SLC36A1: variants seen among roughly 807,000 people sequenced by gnomAD.
SLC36A1 encodes solute carrier family 36 member 1.
SLC36A1 carries 30 observed loss-of-function variants against 47.5 expected under a neutral mutation model. That is an observed-to-expected ratio of 0.63 (90% CI 0.47 to 0.86). The LOEUF is 0.86. Ranked by LOEUF, SLC36A1 falls within the 40% of genes least tolerant of loss-of-function variation. SLC36A1 has a pLI of 0.00. For missense variants in SLC36A1, 517 were observed against 606.0 expected, an observed-to-expected ratio of 0.85 and a Z score of 1.54; for synonymous variants, 255 against 249.7, an observed-to-expected ratio of 1.02 and a Z score of -0.20.
chr5:151,505,896 G>T, the SLC36A1 span: 2 of 1,598,284 alleles, frequency 1.3e-6, no homozygotes, highest in Middle Eastern at 1.7e-4. Context: ...GTAACGGGGT[G>T]GGAGAGGTGC....
chr5:151,395,666 A>T, the SLC36A1 span, among the ~76,000 whole-genome samples: 2 of 152,172 alleles, frequency 1.3e-5, no homozygotes, highest in Non-Finnish European at 2.9e-5. Flanking sequence ...ATTGTGGCCA[A>T]ATCATGTCAG....
At chr5:151,362,031 A>ATC in the SLC36A1 span, among the ~76,000 whole-genome samples, 1 of 152,194 alleles carries the variant, frequency 6.6e-6, no homozygotes, top group Admixed American at 6.5e-5. Context: ...GAGTTTGATT[A>ATC]TCATAAGCCT....
chr5:151,513,249 C>T, the SLC36A1 span, among the ~76,000 whole-genome samples: 244 of 152,116 alleles, frequency 1.6e-3, no homozygotes, highest in South Asian at 7.5e-3. Flanking sequence ...CTTTTTCTTT[C>T]GGAAAGTAAT....
the SLC36A1 span, among the ~76,000 whole-genome samples, chr5:151,393,584 T>G: frequency 2.6e-5 from 4 of 152,222 alleles, no homozygotes; most frequent in Admixed American, 1.3e-4. Context: ...AGGAGCTCTT[T>G]TAGGGCAGGC....
At chr5:151,503,504 T>G in the SLC36A1 span, among the ~76,000 whole-genome samples, 1 of 149,490 alleles carries the variant, frequency 6.7e-6, no homozygotes, top group South Asian at 2.1e-4. Flanking sequence ...CTGCGTGGTG[T>G]CTCCCACGGG....
chr5:151,372,555 C>T, the SLC36A1 span, among the ~76,000 whole-genome samples: 3 of 151,990 alleles, frequency 2.0e-5, no homozygotes, highest in Non-Finnish European at 4.4e-5. Context: ...CTGATCCTCC[C>T]GCCTTAGCCT....
the SLC36A1 span, among the ~76,000 whole-genome samples, chr5:151,355,209 G>A: frequency 6.6e-6 from 1 of 152,126 alleles, no homozygotes; most frequent in Non-Finnish European, 1.5e-5. Context: ...TCAATTTGTG[G>A]AGGGAACACA....
upstream of SLC36A1, among the ~76,000 whole-genome samples, chr5:151,433,251 T>TAC (rs1759522351): frequency 5.4e-5 from 1 of 18,382 alleles, no homozygotes; most frequent in African/African-American, 2.1e-4. Context: ...TATATATATA[T>TAC]ATATATATAT....
At chr5:151,511,755 C>A in the SLC36A1 span, 1 of 179,950 alleles carries the variant, frequency 5.6e-6, no homozygotes, top group East Asian at 1.4e-4. Context: ...ATATGAAAAA[C>A]AACATGTATT....
chr5:151,408,246 T>C, the SLC36A1 span, among the ~76,000 whole-genome samples: 1 of 152,346 alleles, frequency 6.6e-6, no homozygotes, highest in East Asian at 1.9e-4. Context: ...TGGAGTGCAG[T>C]GGTGCGATCT....
chr5:151,425,806 T>C, the SLC36A1 span, among the ~76,000 whole-genome samples: 1 of 152,228 alleles, frequency 6.6e-6, no homozygotes, highest in Admixed American at 6.5e-5. Flanking sequence ...GAATAAGTGA[T>C]ATTATACATG....
At chr5:151,395,288 T>C in the SLC36A1 span, among the ~76,000 whole-genome samples, 1 of 152,180 alleles carries the variant, frequency 6.6e-6, no homozygotes, top group Admixed American at 6.5e-5. Flanking sequence ...GACCCAATTT[T>C]CCAGGTGCCG....
At chr5:151,357,294 A>G in the SLC36A1 span, among the ~76,000 whole-genome samples, 1 of 152,218 alleles carries the variant, frequency 6.6e-6, no homozygotes, top group Non-Finnish European at 1.5e-5. Flanking sequence ...AGTGAGAGAA[A>G]GGTGGTTGGC....
At chr5:151,386,621 A>G in the SLC36A1 span, among the ~76,000 whole-genome samples, 1 of 152,036 alleles carries the variant, frequency 6.6e-6, no homozygotes, top group African/African-American at 2.4e-5. Context: ...TCAATCAAAA[A>G]GCCCTGACTT....
chr5:151,402,014 T>C, the SLC36A1 span, among the ~76,000 whole-genome samples: 1 of 152,188 alleles, frequency 6.6e-6, no homozygotes, highest in Non-Finnish European at 1.5e-5. Flanking sequence ...GGCTAGGACT[T>C]CAATACTATG....
chr5:151,553,330 C>T, the SLC36A1 span: 1 of 1,614,258 alleles, frequency 6.2e-7, no homozygotes, highest in Non-Finnish European at 8.5e-7. Context: ...GGGATCCACT[C>T]AATGTGTAGC....
the SLC36A1 span, among the ~76,000 whole-genome samples, chr5:151,413,261 T>C: frequency 6.6e-6 from 1 of 152,040 alleles, no homozygotes; most frequent in Non-Finnish European, 1.5e-5. Flanking sequence ...GATTTTGTTT[T>C]ATGATGGTGA....
At chr5:151,347,938 C>A in the SLC36A1 span, among the ~76,000 whole-genome samples, 160 of 152,180 alleles carry the variant, frequency 1.1e-3, no homozygotes, top group African/African-American at 3.6e-3. Flanking sequence ...TGGAACCTAG[C>A]CCAATTTGTC....
At chr5:151,545,049 C>T in the SLC36A1 span, 1 of 1,614,178 alleles carries the variant, frequency 6.2e-7, no homozygotes, top group Non-Finnish European at 8.5e-7. Flanking sequence ...GGTCAAACGC[C>T]ACACCTCTTG....
Sources: allele counts gnomAD v4.1 joint callset (sites outside exome capture counted in the v4.1 genomes callset), GRCh38; gene constraint gnomAD v4.1.1; transcripts MANE v1.5; gene names NCBI Gene and HGNC (gene_info 2026-07-23, HGNC 2026-07-21).